PIEZO2: variants seen among roughly 807,000 people sequenced by gnomAD.
The protein encoded by PIEZO2 is piezo type mechanosensitive ion channel component 2, also known as piezo-type mechanosensitive ion channel component 2.
PIEZO2 carries 172 observed loss-of-function variants against 337.3 expected under a neutral mutation model. That is an observed-to-expected ratio of 0.51 (90% CI 0.45 to 0.58). The LOEUF is 0.58. Among genes scored for constraint, PIEZO2 ranks in the 20% least tolerant of loss-of-function variants. The probability of loss-of-function intolerance (pLI) is 0.00; values close to 1 mark genes in which losing one functional copy is unlikely to be tolerated. For synonymous variants in PIEZO2, 1,251 were observed against 1,228.5 expected, an observed-to-expected ratio of 1.02 and a Z score of -0.38; for missense variants, 3,028 against 3,391.3, an observed-to-expected ratio of 0.89 and a Z score of 2.66.
At chr18:10,948,331 C>T (rs550774577) in intron 3 of PIEZO2, among the ~76,000 whole-genome samples, 9 of 152,016 alleles carry the variant, frequency 5.9e-5, no homozygotes, top group East Asian at 3.9e-4. Flanking sequence ...AGCTTCTTTA[C>T]GAGATAAAAT....
Position 10,766,854 on chromosome 18 carries a change from T to C in PIEZO2, c.2946+3294A>G, listed in dbSNP as rs1212948342. Among the ~76,000 whole-genome samples the C allele has an allele frequency of 6.6e-6, 1 of 152,252 alleles. No individual in the cohort carries two copies. The highest frequency in any genetic ancestry group is 1.9e-4 in the East Asian group (1 of 5,200). On this transcript the variant is annotated intron_variant, in intron 21 of 55. Coordinates refer to ENST00000674853, the MANE Select transcript of PIEZO2 (RefSeq NM_001378183.1). The surrounding 1 kb of genome is among the most constrained non-coding windows in gnomAD (Gnocchi z 6.1). ...CACCTAGCACCATGTACGCATTCAC[T>C]TTATTGTGAGTCCTTAATAAAGGCT...
rs921542877 is a variant in PIEZO2, at chr18:10,676,490, A to G, written c.8082-1202T>C. On this transcript the variant is annotated intron_variant, in intron 53 of 55. Transcript: ENST00000674853. The surrounding 1 kb of genome is among the most constrained non-coding windows in gnomAD (Gnocchi z 5.1). ...AAGTGGAGTACTTAAGTGGCAGGAT[A>G]GTATTTTGAGATATATAATATGTTT... 6.6e-6 allele frequency among the ~76,000 whole-genome samples: 1 copy of G among 152,220 alleles called. No individual in the cohort carries two copies. The highest frequency in any genetic ancestry group is 6.5e-5 in the Admixed American group (1 of 15,278).
Position 11,078,112 on chromosome 18 carries a change from TATACACACC to T in PIEZO2, c.65-11899_65-11891del, listed in dbSNP as rs59317852. Among the ~76,000 whole-genome samples the T allele has an allele frequency of 0.078, 11,574 of 148,168 alleles. 1,094 individuals carry two copies. The highest frequency in any genetic ancestry group is 0.23 in the African/African-American group (9,393 of 40,478). On this transcript the variant is annotated intron_variant, in intron 1 of 55. Transcript: ENST00000674853. This position sits in a 1 kb window ranked among gnomAD's most constrained non-coding sequence, Gnocchi z 5.3. ...ATACACACACACAAACACATACACA[TATACACACC>T]ATACACACACATACACACACACTCA... is the stretch of plus-strand genomic sequence containing the variant.
intron 3 of PIEZO2, among the ~76,000 whole-genome samples, chr18:10,977,025 GTGTGTGTGTGTA>G (rs1361487895): frequency 1.3e-5 from 2 of 151,734 alleles, no homozygotes; most frequent in African/African-American, 4.8e-5. Flanking sequence ...GTGTGTGTGT[GTGTGTGTGTGTA>G]TGTAAGCTTG....
Position 10,741,055 on chromosome 18 carries a change from G to A in PIEZO2, c.4684C>T (p.Arg1562Trp), listed in dbSNP as rs1341123204. The A allele has an allele frequency of 9.1e-6, 14 of 1,536,774 alleles. No individual in the cohort carries two copies. The highest frequency in any genetic ancestry group is 1.2e-5 in the Non-Finnish European group (14 of 1,146,792). Residue 1562 changes from arginine to tryptophan, a missense_variant, in exon 33 of 56, where the codon CGG becomes TGG. Physicochemically the swap from Arg to Trp is moderately radical, Grantham distance 101. Transcript: ENST00000674853. ...KAKGKKKQWW[R>W]PWVDHASMVR... ...CTGGAAGCATGATCAACCCAAGGCC[G>A]CCACCACTGCTTTTTTTTGCCCTTG...
chr18:11,079,874 G>A (rs2038678030), intron 1 of PIEZO2, among the ~76,000 whole-genome samples: 1 of 152,236 alleles, frequency 6.6e-6, no homozygotes. Context: ...CTGTGCAACA[G>A]TTACAAAGAA....
At chr18:10,924,785 T>C (rs1273431267) in intron 3 of PIEZO2, among the ~76,000 whole-genome samples, 1 of 152,212 alleles carries the variant, frequency 6.6e-6, no homozygotes, top group Non-Finnish European at 1.5e-5. Context: ...TTATATTCCT[T>C]GGGGCATCTT....
chr18:10,870,986 G>A lies in PIEZO2; in HGVS notation c.492+267C>T, dbSNP rs1481805246. On this transcript the variant is annotated intron_variant, in intron 5 of 55. Transcript: ENST00000674853. The surrounding 1 kb of genome is among the most constrained non-coding windows in gnomAD (Gnocchi z 5.3). ...CGGTTAGCCTCCGAGATAATATCAC[G>A]TGATAGTTTGGGGTGGTGGGTCAAA... 2.6e-5 allele frequency among the ~76,000 whole-genome samples: 4 copies of A among 151,980 alleles called. No homozygotes were observed. Among genetic ancestry groups the A allele is most frequent in the East Asian group, 1.9e-4 (1 of 5,188 alleles).
At chr18:11,067,747 G>C (rs1193011056) in intron 1 of PIEZO2, among the ~76,000 whole-genome samples, 2 of 152,180 alleles carry the variant, frequency 1.3e-5, no homozygotes, top group South Asian at 4.1e-4. Flanking sequence ...TGAAGAGATA[G>C]ACTATAATGT....
Position 10,953,255 on chromosome 18 carries a change from T to C in PIEZO2, c.286+26280A>G, listed in dbSNP as rs2033376197. Among the ~76,000 whole-genome samples the C allele has an allele frequency of 6.6e-6, 1 of 152,176 alleles. No homozygotes were observed. The highest frequency in any genetic ancestry group is 2.4e-5 in the African/African-American group (1 of 41,454). ...AGTTCTTCATTTTGATGAAGTGTAA[T>C]TTATCAGTTTTTTCTCTTATGAGTT... is the stretch of plus-strand genomic sequence containing the variant. On this transcript the variant is annotated intron_variant, in intron 3 of 55. Coordinates refer to ENST00000674853, the MANE Select transcript of PIEZO2 (RefSeq NM_001378183.1). This position sits in a 1 kb window ranked among gnomAD's most constrained non-coding sequence, Gnocchi z 5.2.
In PIEZO2 at chr18:10,726,687, C is replaced by T; in HGVS notation, c.5029+4720G>A. 1.4e-6 allele frequency: 2 copies of T among 1,430,564 alleles called. No individual in the cohort carries two copies. The highest frequency in any genetic ancestry group is 1.4e-5 in the African/African-American group (1 of 69,924). The allele number at this position is 1,430,564 out of a possible 1,614,324, so 88.6% of individuals were successfully genotyped here. On this transcript the variant is annotated intron_variant, in intron 36 of 55. Coordinates refer to ENST00000674853, the MANE Select transcript of PIEZO2 (RefSeq NM_001378183.1). This position sits in a 1 kb window ranked among gnomAD's most constrained non-coding sequence, Gnocchi z 5.9. ...ACACCTCGCTGCCAAGTTAATTCAG[C>T]AAGGACCAGGTGTACCTGAACGGCA...
At chr18:10,825,561 T>TC (rs1386010607) in intron 7 of PIEZO2, among the ~76,000 whole-genome samples, 2 of 149,376 alleles carry the variant, frequency 1.3e-5, no homozygotes, top group Non-Finnish European at 3.0e-5. Flanking sequence ...TTTTTTTTTT[T>TC]TTTTTTTGAG....
At chr18:10,809,930 C>G (rs967688449) in intron 7 of PIEZO2, among the ~76,000 whole-genome samples, 6 of 152,316 alleles carry the variant, frequency 3.9e-5, no homozygotes, top group African/African-American at 1.4e-4. Flanking sequence ...TATCTCTTCG[C>G]TTGAGAAGTA....
chr18:10,728,954 C>CAAA (rs143511795), intron 36 of PIEZO2, among the ~76,000 whole-genome samples: 11 of 75,588 alleles, frequency 1.5e-4, no homozygotes, highest in African/African-American at 4.3e-4. Context: ...GACTCTGTCT[C>CAAA]AAAAAAAAAA....
Position 11,148,744 on chromosome 18 carries a change from G to T in PIEZO2, c.-156C>A. 1.4e-6 allele frequency: 1 copy of T among 722,484 alleles called. No homozygotes were observed. Among genetic ancestry groups the T allele is most frequent in the Non-Finnish European group, 2.2e-6 (1 of 448,712 alleles). 44.8% of individuals were successfully genotyped at this position (722,484 alleles called of 1,614,324 possible). ...CGCGGGCCGCGACGCTCTCCGCCCC[G>T]AGGGCACGCTCCCGGGGCTCTTGGC... On this transcript the variant is annotated 5_prime_UTR_variant, in exon 1 of 56. Coordinates refer to ENST00000674853, the MANE Select transcript of PIEZO2 (RefSeq NM_001378183.1). The surrounding 1 kb of genome is among the most constrained non-coding windows in gnomAD (Gnocchi z 5.2).
At chr18:11,040,471 C>G (rs1426526803) in intron 2 of PIEZO2, among the ~76,000 whole-genome samples, 1 of 152,116 alleles carries the variant, frequency 6.6e-6, no homozygotes, top group African/African-American at 2.4e-5. Context: ...TAAAGCAATT[C>G]TGTGGTATAA....
intron 39 of PIEZO2, among the ~76,000 whole-genome samples, chr18:10,712,908 A>T (rs1406261567): frequency 6.6e-6 from 1 of 152,198 alleles, no homozygotes; most frequent in Non-Finnish European, 1.5e-5. Flanking sequence ...TCTTCTTTCC[A>T]TAAAAATATA....
intron 3 of PIEZO2, among the ~76,000 whole-genome samples, chr18:10,921,916 T>C (rs567707292): frequency 2.0e-5 from 3 of 152,138 alleles, no homozygotes; most frequent in African/African-American, 4.8e-5. Flanking sequence ...CCAGGCTTAT[T>C]AGGAAGAGGA....
intron 2 of PIEZO2, among the ~76,000 whole-genome samples, chr18:11,065,221 C>T (rs2038109706): frequency 6.6e-6 from 1 of 152,208 alleles, no homozygotes; most frequent in African/African-American, 2.4e-5. Flanking sequence ...GTCTTTACTT[C>T]TTTTTCTAAA....
Sources: gnomAD v4.1 joint callset for allele counts (sites outside exome capture counted in the v4.1 genomes callset) on GRCh38, gnomAD v4.1.1 for gene constraint, Gnocchi (gnomAD v3.1) non-coding constraint, MANE v1.5 for transcripts, NCBI Gene and HGNC (gene_info 2026-07-23, HGNC 2026-07-21) for gene names.